SUPT3H: variants seen among roughly 807,000 people sequenced by gnomAD.
SUPT3H encodes transcription initiation protein SPT3 homolog.
In SUPT3H, 44 loss-of-function variants were observed where a neutral mutation model predicts 44.3. That is an observed-to-expected ratio of 0.99 (90% CI 0.78 to 1.28). SUPT3H has a LOEUF of 1.28. Among genes scored for constraint, SUPT3H ranks in the 50% most tolerant of loss-of-function variants. SUPT3H has a pLI of 0.00. For synonymous variants in SUPT3H, 124 were observed against 125.6 expected, an observed-to-expected ratio of 0.99 and a Z score of 0.09; for missense variants, 380 against 387.1, an observed-to-expected ratio of 0.98 and a Z score of 0.15.
At chr6:44,922,505 C>G (rs150072318) in intron 10 of SUPT3H, among the ~76,000 whole-genome samples, 9 of 152,158 alleles carry the variant, frequency 5.9e-5, no homozygotes, top group African/African-American at 2.2e-4. Context: ...TACAGTTCAA[C>G]AGGCTCTCAT....
intron 2 of SUPT3H, among the ~76,000 whole-genome samples, chr6:45,181,124 A>G (rs1411824223): frequency 2.0e-5 from 3 of 148,734 alleles, no homozygotes; most frequent in Non-Finnish European, 4.5e-5. Context: ...AATGCTCACC[A>G]TCGCTGGCCA....
chr6:44,828,172 G>C lies in SUPT3H; in HGVS notation c.*1644C>G, dbSNP rs1009502055. 3.7e-5 allele frequency among the ~76,000 whole-genome samples: 5 copies of C among 136,790 alleles called. No homozygotes were observed. Among genetic ancestry groups the C allele is most frequent in the African/African-American group, 1.3e-4 (5 of 38,244 alleles). 89.7% of individuals were successfully genotyped at this position (136,790 alleles called of 152,430 possible). A position where few individuals can be genotyped will look rare whatever the true frequency, so the allele number is the denominator to read the frequency against. On this transcript the variant is annotated 3_prime_UTR_variant, in exon 11 of 11. Transcript: ENST00000371459. ...CAGATCAAAACCAAATACAATAAAT[G>C]CTATCGTTTAAAAGTTAAGTTAAGT...
At chr6:45,239,866 G>T (rs1050963698) in intron 2 of SUPT3H, among the ~76,000 whole-genome samples, 1 of 152,146 alleles carries the variant, frequency 6.6e-6, no homozygotes, top group Non-Finnish European at 1.5e-5. Context: ...AAGCACAAAG[G>T]GGGAAACAGG....
chr6:44,903,057 A>C (rs1765368432), intron 10 of SUPT3H, among the ~76,000 whole-genome samples: 1 of 152,190 alleles, frequency 6.6e-6, no homozygotes, highest in African/African-American at 2.4e-5. Context: ...TTATAGCACT[A>C]AATGCCCACA....
intron 2 of SUPT3H, among the ~76,000 whole-genome samples, chr6:45,289,442 T>C (rs1214568130): frequency 6.6e-6 from 1 of 152,106 alleles, no homozygotes; most frequent in Non-Finnish European, 1.5e-5. Flanking sequence ...TCAAATAAAA[T>C]ATTGAGGAAG....
intron 2 of SUPT3H, among the ~76,000 whole-genome samples, chr6:45,290,130 T>A (rs1246516875): frequency 6.6e-6 from 1 of 152,014 alleles, no homozygotes; most frequent in Non-Finnish European, 1.5e-5. Flanking sequence ...CAGTAAGCCA[T>A]GATCATGCCA....
Position 45,328,661 on chromosome 6 carries a change from T to C in SUPT3H, c.101+36540A>G, listed in dbSNP as rs190642427. ...GTTTGGGTATGGTTTGTATTTTCAG[T>C]TTAAGGCTGCAAGCAGTATTTACAA... On this transcript the variant is annotated intron_variant, in intron 2 of 10. Coordinates refer to ENST00000371459, the MANE Select transcript of SUPT3H (RefSeq NM_003599.4). The C allele has an allele frequency of 2.7e-4, 437 of 1,611,312 alleles. No homozygotes were observed. In the African/African-American group the frequency reaches 5.2e-3, roughly 19 times the overall value.
At chr6:45,166,514 G>A (rs1220473687) in intron 2 of SUPT3H, among the ~76,000 whole-genome samples, 2 of 150,222 alleles carry the variant, frequency 1.3e-5, no homozygotes, top group African/African-American at 4.9e-5. Context: ...GAACCCAGGA[G>A]GCAGAGCTTG....
chr6:45,291,437 C>G (rs1780302843), intron 2 of SUPT3H, among the ~76,000 whole-genome samples: 1 of 152,082 alleles, frequency 6.6e-6, no homozygotes, highest in Non-Finnish European at 1.5e-5. Flanking sequence ...GCAATGGAAC[C>G]AAACCAAGAA....
chr6:44,974,088 T>C (rs1404945642), intron 6 of SUPT3H, among the ~76,000 whole-genome samples: 11 of 152,258 alleles, frequency 7.2e-5, no homozygotes, highest in African/African-American at 2.2e-4. Context: ...TGCTAAGCAA[T>C]GTGTGCTGCA....
chr6:45,217,346 G>A (rs1027130165), intron 2 of SUPT3H, among the ~76,000 whole-genome samples: 5 of 151,754 alleles, frequency 3.3e-5, no homozygotes, highest in African/African-American at 7.3e-5. Flanking sequence ...GTAGCGGTGC[G>A]CGTCTGTAAT....
intron 6 of SUPT3H, among the ~76,000 whole-genome samples, chr6:44,982,370 C>T (rs1457953069): frequency 6.6e-6 from 1 of 152,072 alleles, no homozygotes; most frequent in Admixed American, 6.6e-5. Context: ...ACTACAAGTG[C>T]CCGCCACCAC....
At chr6:45,071,628 AGTT>A (rs1387090375) in intron 3 of SUPT3H, among the ~76,000 whole-genome samples, 3 of 152,154 alleles carry the variant, frequency 2.0e-5, no homozygotes, top group African/African-American at 7.2e-5. Flanking sequence ...GATCTGTCCC[AGTT>A]ATTAGGGTGC....
chr6:45,108,264 T>C (rs141684648), intron 2 of SUPT3H, among the ~76,000 whole-genome samples: 2,668 of 152,286 alleles, frequency 0.018, 48 homozygotes, highest in South Asian at 0.085. Context: ...TTGCATGAGC[T>C]CAGGAGTTTG....
chr6:45,377,404 T>C (rs1462966937), intron 1 of SUPT3H: 1 of 151,906 alleles, frequency 6.6e-6, no homozygotes, highest in Non-Finnish European at 1.5e-5. Flanking sequence ...AAAGCAACAA[T>C]TTCCCTCTTT....
intron 2 of SUPT3H, among the ~76,000 whole-genome samples, chr6:45,187,104 A>T (rs1458603734): frequency 9.5e-5 from 3 of 31,746 alleles, no homozygotes; most frequent in East Asian, 2.0e-3. Flanking sequence ...TCGCCTTTAA[A>T]AAAAAAAAAA....
intron 2 of SUPT3H, among the ~76,000 whole-genome samples, chr6:45,228,706 T>C (rs1241761551): frequency 6.6e-6 from 1 of 152,094 alleles, no homozygotes; most frequent in Non-Finnish European, 1.5e-5. Context: ...TGCAGTGCAG[T>C]GGCACAGTCT....
intron 3 of SUPT3H, among the ~76,000 whole-genome samples, chr6:45,053,859 G>A (rs1790707839): frequency 6.7e-6 from 1 of 148,560 alleles, no homozygotes; most frequent in Non-Finnish European, 1.5e-5. Context: ...AGCTTGCAGT[G>A]AGCTGAGGTC....
intron 2 of SUPT3H, among the ~76,000 whole-genome samples, chr6:45,287,719 A>C (rs569318151): frequency 9.4e-4 from 143 of 152,328 alleles, no homozygotes; most frequent in African/African-American, 3.0e-3. Flanking sequence ...AAGGTACTTA[A>C]TGCCAATGAA....
Sources: gnomAD v4.1 joint callset for allele counts (sites outside exome capture counted in the v4.1 genomes callset) on GRCh38, gnomAD v4.1.1 for gene constraint, MANE v1.5 for transcripts, NCBI Gene and HGNC (gene_info 2026-07-23, HGNC 2026-07-21) for gene names.